Variants in XKR6 observed in about 807,000 individuals in gnomAD.
XKR6 encodes the protein XK related 6.
XKR6 carries 22 observed loss-of-function variants against 56.7 expected under a neutral mutation model. The observed-to-expected ratio is 0.39, with a 90% confidence interval of 0.28 to 0.55. The LOEUF (loss-of-function observed/expected upper bound fraction) is 0.55. Among genes scored for constraint, XKR6 ranks in the 20% least tolerant of loss-of-function variants. XKR6 has a pLI of 0.66. For synonymous variants in XKR6, 524 were observed against 387.8 expected (o/e 1.35, Z -4.13); for missense variants, 852 against 889.0 (o/e 0.96, Z 0.53).
chr8:10,919,628 C>T (rs928211939), intron 2 of XKR6, among the ~76,000 whole-genome samples: 4 of 152,160 alleles, frequency 2.6e-5, no homozygotes, highest in Admixed American at 2.6e-4. Flanking sequence ...TCCTAATTTA[C>T]AGATGAGGAA....
At chr8:11,011,268 C>T (rs376908979) in intron 1 of XKR6, among the ~76,000 whole-genome samples, 376 of 152,272 alleles carry the variant, frequency 2.5e-3, no homozygotes, top group African/African-American at 8.6e-3. Flanking sequence ...TCACACAGCA[C>T]GCAGGAGAGG....
intron 1 of XKR6, among the ~76,000 whole-genome samples, chr8:11,186,189 C>A (rs73198975): frequency 2.2e-4 from 34 of 151,848 alleles, no homozygotes; most frequent in Non-Finnish European, 3.4e-4. Flanking sequence ...CATGCCCCCC[C>A]ATCCCCATCC....
Position 11,201,387 on chromosome 8 carries a change from G to GA in XKR6, c.-49_-48insT. 1 of 1,123,824 alleles carries GA rather than the reference G, an allele frequency of 8.9e-7. No individual in the cohort carries two copies. Among genetic ancestry groups the GA allele is most frequent in the South Asian group, 1.7e-5 (1 of 58,524 alleles). 69.6% of individuals were successfully genotyped at this position (1,123,824 alleles called of 1,614,324 possible). A position where few individuals can be genotyped will look rare whatever the true frequency, so the allele number is the denominator to read the frequency against. Reference sequence around the variant, plus strand: ...GAGGTTGGGGGGGAGGGACGGCGGGGGGGGGGGGAAGAAGGCAGGGAACGG... The same window carrying GA: ...GAGGTTGGGGGGGAGGGACGGCGGGGAGGGGGGGGAAGAAGGCAGGGAACGG... On this transcript the variant is annotated 5_prime_UTR_variant, in exon 1 of 3. Coordinates refer to ENST00000416569, the MANE Select transcript of XKR6 (RefSeq NM_173683.4).
At chr8:11,165,090 C>CATTTTTTTTTT (rs762270947) in intron 1 of XKR6, among the ~76,000 whole-genome samples, 1 of 82,472 alleles carries the variant, frequency 1.2e-5, no homozygotes, top group African/African-American at 5.2e-5. Flanking sequence ...AGGCTATCAC[C>CATTTTTTTTTT]TTTTTTTTTT....
intron 1 of XKR6, among the ~76,000 whole-genome samples, chr8:11,174,879 T>C (rs1218111224): frequency 6.6e-6 from 1 of 152,228 alleles, no homozygotes; most frequent in African/African-American, 2.4e-5. Context: ...GTCTGCCTTC[T>C]GGACAAGACA....
intron 1 of XKR6, among the ~76,000 whole-genome samples, chr8:11,063,267 C>G (rs971462853): frequency 2.0e-5 from 3 of 149,394 alleles, no homozygotes; most frequent in African/African-American, 7.4e-5. Flanking sequence ...AGGGACAGAA[C>G]TAATAAAGAA....
At chr8:11,124,081 T>A (rs1178461085) in intron 1 of XKR6, 4 of 449,446 alleles carry the variant, frequency 8.9e-6, no homozygotes, top group African/African-American at 2.0e-5. Context: ...TAGCACGATT[T>A]CCTACTAACA....
intron 1 of XKR6, among the ~76,000 whole-genome samples, chr8:11,055,393 G>A (rs1799656193): frequency 6.6e-6 from 1 of 152,194 alleles, no homozygotes; most frequent in African/African-American, 2.4e-5. Flanking sequence ...TGCTAAAACT[G>A]GAGTAAGCAG....
At chr8:11,055,119 G>A (rs982662230) in intron 1 of XKR6, among the ~76,000 whole-genome samples, 6 of 152,168 alleles carry the variant, frequency 3.9e-5, no homozygotes, top group Non-Finnish European at 7.3e-5. Flanking sequence ...CTTTATTCAG[G>A]GGGACTGCCA....
intron 1 of XKR6, among the ~76,000 whole-genome samples, chr8:10,981,035 C>T (rs9694692): frequency 1.3e-5 from 2 of 152,074 alleles, no homozygotes; most frequent in Non-Finnish European, 2.9e-5. Flanking sequence ...GGTCAAAATA[C>T]CAGGTAGCTG....
intron 2 of XKR6, among the ~76,000 whole-genome samples, chr8:10,919,152 C>G (rs1306575950): frequency 6.6e-6 from 1 of 152,196 alleles, no homozygotes; most frequent in Non-Finnish European, 1.5e-5. Context: ...TCCAGTCATG[C>G]TGGGTCCTTT....
chr8:10,944,190 G>A (rs1801467228), intron 1 of XKR6, among the ~76,000 whole-genome samples: 1 of 152,126 alleles, frequency 6.6e-6, no homozygotes, highest in Non-Finnish European at 1.5e-5. Context: ...GATGGAAGCT[G>A]GTCTCCTTCG....
chr8:10,904,705 A>G (rs926261581), intron 2 of XKR6, among the ~76,000 whole-genome samples: 1 of 152,130 alleles, frequency 6.6e-6, no homozygotes, highest in African/African-American at 2.4e-5. Flanking sequence ...ACACATCTCC[A>G]ATAAGGGAAC....
chr8:11,186,052 C>T (rs1161902564), intron 1 of XKR6, among the ~76,000 whole-genome samples: 2 of 152,190 alleles, frequency 1.3e-5, no homozygotes, highest in African/African-American at 4.8e-5. Context: ...TCTTAAAATA[C>T]TTCTTTACAG....
chr8:11,094,679 C>T (rs971020300), intron 1 of XKR6, among the ~76,000 whole-genome samples: 13 of 152,112 alleles, frequency 8.5e-5, no homozygotes, highest in Admixed American at 5.9e-4. Context: ...AGCAGCCAGA[C>T]ACTAGGCAGA....
intron 1 of XKR6, among the ~76,000 whole-genome samples, chr8:11,068,879 G>A (rs931117899): frequency 6.6e-5 from 10 of 152,258 alleles, no homozygotes; most frequent in East Asian, 5.8e-4. Flanking sequence ...AAAGGCACCC[G>A]TCAGGAAGAA....
At chr8:10,909,909 G>A (rs1373879687) in intron 2 of XKR6, among the ~76,000 whole-genome samples, 4 of 151,990 alleles carry the variant, frequency 2.6e-5, no homozygotes, top group Non-Finnish European at 5.9e-5. Context: ...TTGAGGCTCA[G>A]GGAGGTAAAA....
At chr8:11,021,688 A>G (rs1315397900) in intron 1 of XKR6, among the ~76,000 whole-genome samples, 2 of 152,130 alleles carry the variant, frequency 1.3e-5, no homozygotes, top group African/African-American at 2.4e-5. Flanking sequence ...CATGACTGCT[A>G]TATATTCTTG....
At chr8:11,035,209 G>GGAT (rs903980411) in intron 1 of XKR6, 2 of 534,728 alleles carry the variant, frequency 3.7e-6, no homozygotes, top group Non-Finnish European at 7.7e-6. Context: ...GTGGCTGCTC[G>GGAT]GATGATGATG....
Sources: allele counts gnomAD v4.1 joint callset (sites outside exome capture counted in the v4.1 genomes callset), GRCh38; gene constraint gnomAD v4.1.1; transcripts MANE v1.5; gene names NCBI Gene and HGNC (gene_info 2026-07-23, HGNC 2026-07-21).